EPB41L4A: variants seen among roughly 807,000 people sequenced by gnomAD.
The protein encoded by EPB41L4A is erythrocyte membrane protein band 4.1 like 4A.
A neutral mutation model predicts 108.6 loss-of-function variants in EPB41L4A; 100 were observed. The observed-to-expected ratio is 0.92, with a 90% CI of 0.78 to 1.09. The LOEUF (loss-of-function observed/expected upper bound fraction) is 1.09. Among genes scored for constraint, EPB41L4A ranks in the 50% least tolerant of loss-of-function variants. EPB41L4A has a pLI of 0.00. For missense variants in EPB41L4A, 1,030 were observed against 842.7 expected (o/e 1.22, Z -2.75); for synonymous variants, 319 against 289.0 (o/e 1.10, Z -1.05).
intron 1 of EPB41L4A, among the ~76,000 whole-genome samples, chr5:112,407,730 C>G (rs951403816): frequency 6.6e-6 from 1 of 152,156 alleles, no homozygotes; most frequent in Non-Finnish European, 1.5e-5. Flanking sequence ...TAAATAACAA[C>G]ACTCAGAGCT....
intron 1 of EPB41L4A, chr5:112,392,904 T>C (rs1314217679): frequency 6.6e-6 from 1 of 152,164 alleles, no homozygotes. Context: ...CAGACAGCAG[T>C]GCAATCAAAT....
At chr5:112,248,085 T>C (rs4958026) in intron 9 of EPB41L4A, among the ~76,000 whole-genome samples, 13,637 of 152,292 alleles carry the variant, frequency 0.09, 769 homozygotes, top group East Asian at 0.27. Context: ...TCTCCACTTA[T>C]AGTGAGCTTT....
At chr5:112,186,414 T>C (rs368175560) in intron 17 of EPB41L4A, among the ~76,000 whole-genome samples, 2 of 152,306 alleles carry the variant, frequency 1.3e-5, no homozygotes, top group South Asian at 2.1e-4. Flanking sequence ...TCCTGAGACA[T>C]AAGCATGCGT....
intron 20 of EPB41L4A, among the ~76,000 whole-genome samples, chr5:112,169,389 G>A (rs528762792): frequency 3.3e-5 from 5 of 151,950 alleles, no homozygotes; most frequent in Admixed American, 2.0e-4. Flanking sequence ...ATTCCTTACC[G>A]TGGAATTCTT....
At chr5:112,283,920 G>A (rs771983128) in intron 2 of EPB41L4A, among the ~76,000 whole-genome samples, 13 of 152,098 alleles carry the variant, frequency 8.5e-5, no homozygotes, top group Middle Eastern at 3.2e-3. Flanking sequence ...TAAAAAAATC[G>A]TTAAATAGCA....
intron 12 of EPB41L4A, among the ~76,000 whole-genome samples, chr5:112,224,817 T>C (rs1319727984): frequency 2.6e-5 from 4 of 152,208 alleles, no homozygotes; most frequent in Admixed American, 2.0e-4. Flanking sequence ...TTCTGATCTG[T>C]GCACTTGGAA....
At chr5:112,371,755 A>T (rs1256108232) in intron 1 of EPB41L4A, among the ~76,000 whole-genome samples, 4 of 152,166 alleles carry the variant, frequency 2.6e-5, no homozygotes, top group Admixed American at 6.5e-5. Context: ...AAGACTATAA[A>T]GGAAAGGATG....
intron 2 of EPB41L4A, among the ~76,000 whole-genome samples, chr5:112,294,277 T>C (rs947288039): frequency 1.2e-4 from 18 of 152,160 alleles, no homozygotes; most frequent in Admixed American, 1.1e-3. Flanking sequence ...GGAGGGAGCA[T>C]GCAGGCGTGG....
intron 1 of EPB41L4A, among the ~76,000 whole-genome samples, chr5:112,373,924 T>A (rs1370856707): frequency 6.6e-6 from 1 of 152,238 alleles, no homozygotes; most frequent in East Asian, 1.9e-4. Context: ...TTGGAATACT[T>A]CCAGAAAATC....
At chr5:112,147,969 G>A (rs977240868) in intron 12 of EPB41L4A, among the ~76,000 whole-genome samples, 1 of 151,880 alleles carries the variant, frequency 6.6e-6, no homozygotes, top group Non-Finnish European at 1.5e-5. Flanking sequence ...AACCCAGGAG[G>A]TGGAGGCTGC....
intron 9 of EPB41L4A, among the ~76,000 whole-genome samples, chr5:112,245,972 C>T (rs924738195): frequency 2.6e-5 from 4 of 152,100 alleles, no homozygotes; most frequent in Admixed American, 6.6e-5. Flanking sequence ...AGAAATCTTC[C>T]GAGGCCTTTG....
chr5:112,273,023 C>T (rs1389167688), intron 4 of EPB41L4A, among the ~76,000 whole-genome samples: 3 of 152,148 alleles, frequency 2.0e-5, no homozygotes, highest in Non-Finnish European at 4.4e-5. Context: ...GAAGTATGCT[C>T]TTCCTTAAAT....
intron 9 of EPB41L4A, among the ~76,000 whole-genome samples, chr5:112,253,553 G>C (rs1750845483): frequency 6.6e-6 from 1 of 152,152 alleles, no homozygotes; most frequent in Non-Finnish European, 1.5e-5. Flanking sequence ...GATGGTAAAA[G>C]TATTATATCA....
At chr5:112,223,933 A>G (rs1748261536) in intron 12 of EPB41L4A, among the ~76,000 whole-genome samples, 2 of 151,722 alleles carry the variant, frequency 1.3e-5, no homozygotes, top group Non-Finnish European at 3.0e-5. Flanking sequence ...CAATTTGTCA[A>G]TAAGAGTTTC....
chr5:112,343,735 C>A (rs1757466857), intron 1 of EPB41L4A, among the ~76,000 whole-genome samples: 1 of 152,114 alleles, frequency 6.6e-6, no homozygotes, highest in Non-Finnish European at 1.5e-5. Context: ...GAATAAAAAT[C>A]CAATTTTTTT....
intron 9 of EPB41L4A, among the ~76,000 whole-genome samples, chr5:112,253,651 T>C (rs1750852993): frequency 6.6e-6 from 1 of 152,164 alleles, no homozygotes; most frequent in Non-Finnish European, 1.5e-5. Context: ...ATTTATAGTC[T>C]ATGACATACG....
chr5:112,385,557 C>T (rs1220508741), intron 1 of EPB41L4A, among the ~76,000 whole-genome samples: 1 of 142,300 alleles, frequency 7.0e-6, no homozygotes, highest in Non-Finnish European at 1.6e-5. Context: ...GCCAAAAGCA[C>T]AATCAATTAA....
intron 13 of EPB41L4A, among the ~76,000 whole-genome samples, chr5:112,209,345 A>G (rs1463704669): frequency 2.6e-5 from 4 of 152,252 alleles, no homozygotes; most frequent in Non-Finnish European, 5.9e-5. Context: ...TCAGGGAAAC[A>G]ATCCATGTAA....
intron 12 of EPB41L4A, among the ~76,000 whole-genome samples, chr5:112,233,740 T>C (rs1436916336): frequency 2.0e-5 from 3 of 152,330 alleles, no homozygotes; most frequent in East Asian, 1.9e-4. Context: ...GTTTGTTTTT[T>C]TCAAGACTCT....
Sources: gnomAD v4.1 joint callset for allele counts (sites outside exome capture counted in the v4.1 genomes callset) on GRCh38, gnomAD v4.1.1 for gene constraint, MANE v1.5 for transcripts, NCBI Gene and HGNC (gene_info 2026-07-23, HGNC 2026-07-21) for gene names.